Variants in WASL observed in about 807,000 individuals in gnomAD.
The protein encoded by WASL is actin nucleation-promoting factor WASL.
A neutral mutation model predicts 55.5 loss-of-function variants in WASL; 20 were observed. The ratio of observed to expected loss-of-function variants is 0.36; its 90% CI spans 0.25 to 0.52. WASL has a LOEUF of 0.52. Among genes scored for constraint, WASL ranks in the 20% least tolerant of loss-of-function variants. The pLI is 0.92. For synonymous variants in WASL, 249 were observed against 217.6 expected, an observed-to-expected ratio of 1.14 and a Z score of -1.27; for missense variants, 504 against 622.5, an observed-to-expected ratio of 0.81 and a Z score of 2.03.
In WASL at chr7:123,695,803, T is replaced by C; in HGVS notation, c.672+20A>G. ...TTTCCACATACAGTTATAACGTATA[T>C]GATTTGAAAACATACTTACATCAAA... On this transcript the variant is annotated intron_variant, in intron 7 of 10. Coordinates refer to ENST00000223023, the MANE Select transcript of WASL (RefSeq NM_003941.4). 1.2e-6 allele frequency: 2 copies of C among 1,611,086 alleles called. No individual in the cohort carries two copies. The highest frequency in any genetic ancestry group is 1.7e-6 in the Non-Finnish European group (2 of 1,177,804).
intron 1 of WASL, among the ~76,000 whole-genome samples, chr7:123,739,914 G>A (rs142474330): frequency 0.16 from 5,185 of 32,658 alleles, 113 homozygotes; most frequent in African/African-American, 0.22. Flanking sequence ...GTGTGTGTGT[G>A]TATATATATA....
intron 1 of WASL, among the ~76,000 whole-genome samples, chr7:123,740,851 G>A (rs542115743): frequency 5.9e-5 from 9 of 152,250 alleles, no homozygotes; most frequent in East Asian, 5.8e-4. Flanking sequence ...CTCCCAAAGC[G>A]CTGCGATTAA....
chr7:123,726,293 T>C (rs900398996), intron 1 of WASL, among the ~76,000 whole-genome samples: 1 of 152,128 alleles, frequency 6.6e-6, no homozygotes, highest in Non-Finnish European at 1.5e-5. Flanking sequence ...TCAAATTAAC[T>C]ACATAGGGAA....
At position 123,723,194 on chromosome 7, in the gene WASL, T is replaced by A. The variant is rs114588939; in HGVS notation, c.118-13971A>T. ...AATTATGATATTATCAGATGTATCA[T>A]TGCAACATTTCTAATCAGATCATTT... On this transcript the variant is annotated intron_variant, in intron 1 of 10. Transcript: ENST00000223023. Among the ~76,000 whole-genome samples, 377 of 152,328 alleles carry A rather than the reference T, an allele frequency of 2.5e-3. 2 individuals carry two copies. Among genetic ancestry groups the A allele is most frequent in the African/African-American group, 8.3e-3 (347 of 41,566 alleles).
At chr7:123,741,173 C>T (rs1436086771) in intron 1 of WASL, among the ~76,000 whole-genome samples, 1 of 152,162 alleles carries the variant, frequency 6.6e-6, no homozygotes, top group African/African-American at 2.4e-5. Context: ...AGGCTCCAGC[C>T]ACCTGAGACT....
At chr7:123,730,628 G>A (rs1227633709) in intron 1 of WASL, among the ~76,000 whole-genome samples, 1 of 151,978 alleles carries the variant, frequency 6.6e-6, no homozygotes, top group Admixed American at 6.6e-5. Flanking sequence ...CCAAAGAATG[G>A]GAGAAAAAGA....
chr7:123,697,899 GGTAGACCTAT>G (rs1803517016), intron 5 of WASL, among the ~76,000 whole-genome samples: 2 of 152,102 alleles, frequency 1.3e-5, no homozygotes, highest in Non-Finnish European at 2.9e-5. Context: ...TGCAAGGCAG[GGTAGACCTAT>G]GTAACTAGCC....
In WASL at chr7:123,711,270, A is replaced by AAAAAC. The variant is rs578019061; in HGVS notation, c.118-2052_118-2048dup. Among the ~76,000 whole-genome samples, 43 of 152,276 alleles carry AAAAAC rather than the reference A, an allele frequency of 2.8e-4. No homozygotes were observed. The Middle Eastern group carries it at 0.014, about 48-fold the overall frequency. ...CATGTGGCTATATATGTGAACTTTA[A>AAAAAC]AAAACAAAACAAAACAAAAAAAAAC... On this transcript the variant is annotated intron_variant, in intron 1 of 10. Transcript: ENST00000223023.
intron 1 of WASL, among the ~76,000 whole-genome samples, chr7:123,728,517 A>G (rs1014007608): frequency 3.9e-5 from 6 of 152,274 alleles, no homozygotes; most frequent in East Asian, 1.9e-4. Context: ...ATAATGGTAT[A>G]TATCTACTGA....
intron 1 of WASL, among the ~76,000 whole-genome samples, chr7:123,744,244 G>A (rs998560459): frequency 6.2e-4 from 95 of 152,280 alleles, no homozygotes; most frequent in African/African-American, 1.8e-3. Context: ...CATTTCGGTC[G>A]CTTAATAAAT....
intron 1 of WASL, among the ~76,000 whole-genome samples, chr7:123,723,177 T>C (rs887089882): frequency 1.3e-5 from 2 of 152,232 alleles, no homozygotes; most frequent in African/African-American, 2.4e-5. Flanking sequence ...CTAATTATGA[T>C]ATTATCAGAT....
At chr7:123,704,564 G>A in intron 5 of WASL, 70 bp downstream of exon 5, 1 of 1,232,696 alleles carries the variant, frequency 8.1e-7, no homozygotes, top group Non-Finnish European at 1.2e-6. Context: ...CTAATGTATG[G>A]TACATGTTTC....
At chr7:123,710,037 T>G (rs1803731207) in intron 1 of WASL, among the ~76,000 whole-genome samples, 2 of 152,278 alleles carry the variant, frequency 1.3e-5, no homozygotes, top group Admixed American at 1.3e-4. Flanking sequence ...TACACCATGT[T>G]GCCCCCTTCC....
chr7:123,726,522 T>TA (rs1172768240), intron 1 of WASL, among the ~76,000 whole-genome samples: 3 of 151,982 alleles, frequency 2.0e-5, no homozygotes, highest in African/African-American at 7.3e-5. Context: ...AAAAAAAAGA[T>TA]ACATTAGCCT....
intron 1 of WASL, among the ~76,000 whole-genome samples, chr7:123,734,572 G>T (rs1288921865): frequency 7.3e-6 from 1 of 136,638 alleles, no homozygotes; most frequent in Non-Finnish European, 1.6e-5. Context: ...TGCTGGAAAA[G>T]GCAACACTAT....
intron 1 of WASL, among the ~76,000 whole-genome samples, chr7:123,724,133 T>C (rs974276782): frequency 1.3e-5 from 2 of 152,220 alleles, no homozygotes; most frequent in Non-Finnish European, 2.9e-5. Context: ...AGTTATCTTT[T>C]AGGACACAGA....
At chr7:123,729,607 A>ATACAACAACATAAAAATCAATC (rs1804106541) in intron 1 of WASL, among the ~76,000 whole-genome samples, 1 of 152,194 alleles carries the variant, frequency 6.6e-6, no homozygotes. Flanking sequence ...GAATAAAGAG[A>ATACAACAACATAAAAATCAATC]TACAACAACA....
intron 1 of WASL, among the ~76,000 whole-genome samples, chr7:123,743,166 G>A (rs528072824): frequency 6.6e-5 from 10 of 152,094 alleles, no homozygotes; most frequent in African/African-American, 2.4e-4. Flanking sequence ...GTGAAACCCT[G>A]TCTGTACTAA....
At position 123,717,991 on chromosome 7, in the gene WASL, T is replaced by C. The variant is rs1803873542; in HGVS notation, c.118-8768A>G. ...AGTCTTATGCAAGAGGAAAAGACTC[T>C]TCCTATATAAAATATAAAACTGTCA... On this transcript the variant is annotated intron_variant, in intron 1 of 10. Coordinates refer to ENST00000223023, the MANE Select transcript of WASL (RefSeq NM_003941.4). 2.0e-5 allele frequency among the ~76,000 whole-genome samples: 3 copies of C among 152,174 alleles called. No homozygotes were observed. The South Asian group carries it at 6.2e-4, about 31-fold the overall frequency.
Sources: allele counts gnomAD v4.1 joint callset (sites outside exome capture counted in the v4.1 genomes callset), GRCh38; gene constraint gnomAD v4.1.1; transcripts MANE v1.5; gene names NCBI Gene and HGNC (gene_info 2026-07-23, HGNC 2026-07-21).